The following SLC38A10 variants were observed in gnomAD, a reference collection of about 807,000 sequenced individuals.
SLC38A10 encodes solute carrier family 38 member 10, also known as Sodium-coupled neutral amino acid transporter 10.
Under a neutral mutation model 81.0 loss-of-function variants are expected in SLC38A10, and 53 were observed. That is an observed-to-expected ratio of 0.65 (90% confidence interval 0.53 to 0.82). The LOEUF is 0.82. Among genes scored for constraint, SLC38A10 ranks in the 40% least tolerant of loss-of-function variants. The pLI is 0.00. For missense variants in SLC38A10, 1,471 were observed against 1,545.0 expected (o/e 0.95, Z 0.80); for synonymous variants, 665 against 655.3 (o/e 1.01, Z -0.23).
rs184570298 is a variant in SLC38A10, at chr17:81,278,724, G to C, written c.627-1591C>G. Among the ~76,000 whole-genome samples the C allele has an allele frequency of 5.4e-4, 83 of 152,314 alleles. 1 individual carries two copies. The highest frequency in any genetic ancestry group is 2.9e-5 in the Non-Finnish European group (2 of 68,016). On this transcript the variant is annotated intron_variant, in intron 6 of 15. Coordinates refer to ENST00000374759, the MANE Select transcript of SLC38A10 (RefSeq NM_001037984.3). ...TAAACTGTCCTCTCGCCACAGCTGA[G>C]TCCACACCAGGGAGTCTTGGCTTGA...
In SLC38A10 at chr17:81,251,840, G is replaced by A. The variant is rs145357113; in HGVS notation, c.1946-228C>T. The stretch of plus-strand genomic sequence containing the variant: ...CAATGAGCCAATGGTAACTGCCTTC[G>A]CAATTAAAATGCAAGAACTGTCCTA... On this transcript the variant is annotated intron_variant, in intron 13 of 15. Coordinates refer to ENST00000374759, the MANE Select transcript of SLC38A10 (RefSeq NM_001037984.3). 2.1e-5 allele frequency: 11 copies of A among 530,916 alleles called. No homozygotes were observed. In the East Asian group the frequency reaches 2.2e-4, roughly 11 times the overall value. 32.9% of individuals were successfully genotyped at this position (530,916 alleles called of 1,614,324 possible).
chr17:81,294,456 G>A (rs1251559588), intron 1 of SLC38A10, among the ~76,000 whole-genome samples: 1 of 152,218 alleles, frequency 6.6e-6, no homozygotes, highest in Non-Finnish European at 1.5e-5. Context: ...TGCTTCTGAA[G>A]ACAGGTGCAG....
chr17:81,250,772 C>T, intron 14 of SLC38A10: 1 of 940,020 alleles, frequency 1.1e-6, no homozygotes, highest in Non-Finnish European at 1.3e-6. Flanking sequence ...GAAGCCTGTC[C>T]CCAGCAGGCT....
At position 81,245,408 on chromosome 17, in the gene SLC38A10, T is replaced by C. The variant is rs991594029; in HGVS notation, c.*148A>G. On this transcript the variant is annotated 3_prime_UTR_variant, in exon 16 of 16. Coordinates refer to ENST00000374759, the MANE Select transcript of SLC38A10 (RefSeq NM_001037984.3). Reference sequence around the variant, plus strand: ...CGATGCCACAGTGAATCTTTTATACTGTCACTCACACTTGGTGAGGGCCTC... The same window carrying C: ...CGATGCCACAGTGAATCTTTTATACCGTCACTCACACTTGGTGAGGGCCTC... 2 of 962,422 alleles carry C rather than the reference T, an allele frequency of 2.1e-6. No individual in the cohort carries two copies. The highest frequency in any genetic ancestry group is 1.5e-6 in the Non-Finnish European group (1 of 654,900). The allele number at this position is 962,422 out of a possible 1,614,324, so 59.6% of individuals were successfully genotyped here. A position where few individuals can be genotyped will look rare whatever the true frequency, so the allele number is the denominator to read the frequency against.
At position 81,286,615 on chromosome 17, in the gene SLC38A10, A is replaced by C. The variant is rs1239367812; in HGVS notation, c.218-1720T>G. Among the ~76,000 whole-genome samples, 1 of 152,086 alleles carries C rather than the reference A, an allele frequency of 6.6e-6. No individual in the cohort carries two copies. Among genetic ancestry groups the C allele is most frequent in the African/African-American group, 2.4e-5 (1 of 41,408 alleles). ...GTCCCGGGGACCCAGCCCTCCCCCG[A>C]GTGTGGACTCCCAGTGCGGGCCCAG... On this transcript the variant is annotated intron_variant, in intron 2 of 15. Coordinates refer to ENST00000374759, the MANE Select transcript of SLC38A10 (RefSeq NM_001037984.3). This position sits in a 1 kb window ranked among gnomAD's most constrained non-coding sequence, Gnocchi z 6.0.
At chr17:81,294,792 G>A (rs773923302) in intron 1 of SLC38A10, 31 bp downstream of exon 1, 4 of 1,551,194 alleles carry the variant, frequency 2.6e-6, no homozygotes, top group South Asian at 1.2e-5. Flanking sequence ...GGGGAGGCGA[G>A]GGCGGTGATC....
chr17:81,254,245 A>C (rs1268960190), intron 11 of SLC38A10, among the ~76,000 whole-genome samples: 1 of 152,238 alleles, frequency 6.6e-6, no homozygotes, highest in Non-Finnish European at 1.5e-5. Flanking sequence ...CCATAGGAGA[A>C]GAAAATGGGG....
chr17:81,260,988 A>T (rs573529089), intron 10 of SLC38A10, among the ~76,000 whole-genome samples: 2 of 152,352 alleles, frequency 1.3e-5, no homozygotes, highest in East Asian at 3.9e-4. Flanking sequence ...AAGTCATCAC[A>T]GCTGGCACCA....
rs752422072 is a variant in SLC38A10, at chr17:81,251,510, G to C, written c.2048C>G (p.Ala683Gly). ...RDVERAGGNQ[A>G]ASQLEEAGRA... ...GGCCTTACCCTCCAGCTGGCTGGCC[G>C]CCTGGTTTCCACCCGCTCGCTCCAC... is the stretch of plus-strand genomic sequence containing the variant. Residue 683 changes from alanine (A) to glycine (G), a missense_variant, in exon 14 of 16, where the codon GCG (alanine) becomes GGG (glycine). By Grantham distance (60) the Ala-to-Gly change is moderately conservative. Around this residue, in one of 2 missense-constraint regions of SLC38A10, gnomAD observed 751 missense variants for 717.4 expected, o/e 1.05. Coordinates refer to ENST00000374759, the MANE Select transcript of SLC38A10 (RefSeq NM_001037984.3). The C allele has an allele frequency of 6.3e-7, 1 of 1,598,876 alleles. No individual in the cohort carries two copies. Among genetic ancestry groups the C allele is most frequent in the East Asian group, 2.2e-5 (1 of 44,542 alleles).
rs1195940585 is a variant in SLC38A10, at chr17:81,246,633, G to C, written c.2283C>G (p.Gly761=). ...TGGCCTTGCCTTCAGGGGCCTCCTG[G>C]CCTCTGGGCACCGCTGCCCCGGGCT... ...HQEPGAAVPR[G]QEAPEGKARE... Residue 761 remains glycine, a synonymous_variant, in exon 16 of 16, where the codon GGC becomes GGG. Coordinates refer to ENST00000374759, the MANE Select transcript of SLC38A10 (RefSeq NM_001037984.3). 6.6e-7 allele frequency: 1 copy of C among 1,514,000 alleles called. No homozygotes were observed. The highest frequency in any genetic ancestry group is 1.4e-5 in the African/African-American group (1 of 71,506). 93.8% of individuals were successfully genotyped at this position (1,514,000 alleles called of 1,614,324 possible).
rs369981796 is a variant in SLC38A10, at chr17:81,253,685, CCAA to C, written c.1289-448_1289-446del. The stretch of plus-strand genomic sequence containing the variant: ...ATCACCATCATCTCCATCCCTACCA[CCAA>C]CATCACCATCATCACCATCACCATC... On this transcript the variant is annotated intron_variant, in intron 11 of 15. Coordinates refer to ENST00000374759, the MANE Select transcript of SLC38A10 (RefSeq NM_001037984.3). This position sits in a 1 kb window ranked among gnomAD's most constrained non-coding sequence, Gnocchi z 4.1. Among the ~76,000 whole-genome samples the C allele has an allele frequency of 7.4e-3, 1,116 of 151,198 alleles. 9 individuals are homozygous for C. Among genetic ancestry groups the C allele is most frequent in the South Asian group, 0.012 (55 of 4,758 alleles).
intron 6 of SLC38A10, among the ~76,000 whole-genome samples, chr17:81,279,032 C>A (rs1028536286): frequency 6.6e-6 from 1 of 152,246 alleles, no homozygotes; most frequent in Non-Finnish European, 1.5e-5. Flanking sequence ...AGCGCTGGCC[C>A]ATGGCCCCAG....
intron 1 of SLC38A10, among the ~76,000 whole-genome samples, chr17:81,290,285 A>G (rs1416275614): frequency 1.3e-5 from 2 of 152,214 alleles, no homozygotes; most frequent in African/African-American, 4.8e-5. Context: ...AGGAATGAAA[A>G]CGTGTTCATG....
chr17:81,276,236 A>C lies in SLC38A10; in HGVS notation c.730-85T>G. On this transcript the variant is annotated intron_variant, in intron 7 of 15. Coordinates refer to ENST00000374759, the MANE Select transcript of SLC38A10 (RefSeq NM_001037984.3). This position sits in a 1 kb window ranked among gnomAD's most constrained non-coding sequence, Gnocchi z 4.7. Reference sequence around the variant, plus strand: ...TCACAGTGGGCAGGGCATGGGGGGGACCTGTGCCCTGCCCCCCAGAATGGC... The same window carrying C: ...TCACAGTGGGCAGGGCATGGGGGGGCCCTGTGCCCTGCCCCCCAGAATGGC... 7.8e-7 allele frequency: 1 copy of C among 1,287,446 alleles called. No individual in the cohort carries two copies. Among genetic ancestry groups the C allele is most frequent in the South Asian group, 1.6e-5 (1 of 63,914 alleles). The allele number at this position is 1,287,446 out of a possible 1,614,324, so 79.8% of individuals were successfully genotyped here.
chr17:81,274,040 A>C (rs1275122840), intron 8 of SLC38A10, among the ~76,000 whole-genome samples: 1 of 152,196 alleles, frequency 6.6e-6, no homozygotes, highest in East Asian at 1.9e-4. Context: ...AATACATTTA[A>C]CGCCATTGTC....
In SLC38A10 at chr17:81,245,504, G is replaced by A; in HGVS notation, c.*52C>T. The A allele has an allele frequency of 6.5e-7, 1 of 1,532,842 alleles. No homozygotes were observed. The highest frequency in any genetic ancestry group is 8.8e-7 in the Non-Finnish European group (1 of 1,139,598). 95.0% of individuals were successfully genotyped at this position (1,532,842 alleles called of 1,614,324 possible). ...GCTGGGATGCGGCTGAGACAGACCT[G>A]CTGCTGGCCGAGGAGGGCAGTGGCT... On this transcript the variant is annotated 3_prime_UTR_variant, in exon 16 of 16. Coordinates refer to ENST00000374759, the MANE Select transcript of SLC38A10 (RefSeq NM_001037984.3).
chr17:81,254,984 C>CA (rs1476842665), intron 11 of SLC38A10, among the ~76,000 whole-genome samples: 3 of 152,276 alleles, frequency 2.0e-5, no homozygotes, highest in Non-Finnish European at 4.4e-5. Context: ...TCAGAGCAGT[C>CA]ATTTTCTCAG....
At chr17:81,258,704 G>A (rs566713970) in intron 11 of SLC38A10, among the ~76,000 whole-genome samples, 2 of 152,298 alleles carry the variant, frequency 1.3e-5, no homozygotes, top group African/African-American at 4.8e-5. Flanking sequence ...CCAGAGGCCT[G>A]GACAGCAGTA....
rs1269380575 is a variant in SLC38A10 at position 81,272,567 on chromosome 17, TAA to T, written c.971_972del (p.Leu324HisfsTer115). The T allele has an allele frequency of 7.6e-6, 12 of 1,588,720 alleles. No homozygotes were observed. On this transcript the variant is annotated frameshift_variant, in exon 9 of 16. Transcript: ENST00000374759. LOFTEE classifies it high-confidence loss of function. ...ATGGTTCCAAACACCACAGAGAGGG[TAA>T]GTGCTTTAAACCGGAGAGGGGGCAT... ...GYMPPLRFKA[L>X]TLSVVFGTMV...
Sources: gnomAD v4.1 joint callset for allele counts (sites outside exome capture counted in the v4.1 genomes callset) on GRCh38, gnomAD v4.1.1 for gene constraint, gnomAD v4.1.1 regional missense constraint, Gnocchi (gnomAD v3.1) non-coding constraint, MANE v1.5 for transcripts, NCBI Gene and HGNC (gene_info 2026-07-23, HGNC 2026-07-21) for gene names.